Variants in TBXA2R observed in about 807,000 individuals in gnomAD.
TBXA2R encodes the protein thromboxane A2 receptor.
Under a neutral mutation model 15.6 loss-of-function variants are expected in TBXA2R, and 15 were observed. The ratio of observed to expected loss-of-function variants is 0.96; its 90% CI spans 0.64 to 1.48. The LOEUF (loss-of-function observed/expected upper bound fraction) is 1.48, where lower values mean the gene tolerates loss of function less well. Ranked by LOEUF, TBXA2R falls within the 40% of genes most tolerant of loss-of-function variation. The pLI is 0.00. For synonymous variants in TBXA2R, 280 were observed against 241.2 expected (o/e 1.16, Z -1.49); for missense variants, 506 against 491.4 (o/e 1.03, Z -0.28).
Position 3,600,579 on chromosome 19 carries a change from A to G in TBXA2R, c.56T>C (p.Leu19Pro). The G allele has an allele frequency of 6.2e-7, 1 of 1,612,406 alleles. No individual in the cohort carries two copies. The highest frequency in any genetic ancestry group is 8.5e-7 in the Non-Finnish European group (1 of 1,179,444). ...GPCFRPTNIT[L>P]EERRLIASPW... is the part of the protein sequence containing the mutation. Reference sequence around the variant, plus strand: ...CGAGGCGATCAGCCGTCTCTCCTCCAGGGTAATGTTTGTGGGCCGGAAACA... The same window carrying G: ...CGAGGCGATCAGCCGTCTCTCCTCCGGGGTAATGTTTGTGGGCCGGAAACA... Residue 19 changes from leucine (L) to proline (P), a missense_variant, in exon 2 of 3, where the codon CTG becomes CCG. Transcript: ENST00000375190.
At chr19:3,596,111 C>T (rs1486033564) in intron 2 of TBXA2R, among the ~76,000 whole-genome samples, 178 bp from the exon 3 acceptor site, 1 of 152,202 alleles carries the variant, frequency 6.6e-6, no homozygotes, top group Non-Finnish European at 1.5e-5. Flanking sequence ...TCATTGCAAC[C>T]TCTGCCTCCC....
chr19:3,605,642 C>G (rs929985398), intron 1 of TBXA2R, among the ~76,000 whole-genome samples: 1 of 151,808 alleles, frequency 6.6e-6, no homozygotes, highest in Admixed American at 6.6e-5. Context: ...CAGACAGAAA[C>G]ATGACAGACA....
chr19:3,603,423 C>A (rs962039656), intron 1 of TBXA2R, among the ~76,000 whole-genome samples: 2 of 152,186 alleles, frequency 1.3e-5, no homozygotes, highest in Non-Finnish European at 2.9e-5. Context: ...CGGCCTCTGG[C>A]GATCGTTGCC....
chr19:3,600,826 GTTTTTT>G (rs35168572), intron 1 of TBXA2R, 109 bp from the exon 2 acceptor site: 43 of 400,548 alleles, frequency 1.1e-4, no homozygotes, highest in Non-Finnish European at 1.5e-4. Flanking sequence ...ATCCTCTCCG[GTTTTTT>G]TTTTTTTTTT....
At chr19:3,600,833 T>TTTTG (rs2032723865) in intron 1 of TBXA2R, 116 bp from the exon 2 acceptor site, 1 of 612,272 alleles carries the variant, frequency 1.6e-6, no homozygotes, top group Non-Finnish European at 2.8e-6. Flanking sequence ...CCGGTTTTTT[T>TTTTG]TTTTTTTTTT....
chr19:3,594,858 T>C lies in TBXA2R; in HGVS notation c.*830A>G. Reference sequence around the variant, plus strand: ...CATTCAATCCTTTCTGGACAGAGCCTTCCCTGTTGGAGGTTCAAAAGGAAG... The same window carrying C: ...CATTCAATCCTTTCTGGACAGAGCCCTCCCTGTTGGAGGTTCAAAAGGAAG... On this transcript the variant is annotated 3_prime_UTR_variant, in exon 3 of 3. Transcript: ENST00000375190. The C allele has an allele frequency of 2.0e-6, 3 of 1,536,862 alleles. No homozygotes were observed. The highest frequency in any genetic ancestry group is 2.6e-6 in the Non-Finnish European group (3 of 1,146,782).
At chr19:3,597,760 G>A (rs558768524) in intron 2 of TBXA2R, among the ~76,000 whole-genome samples, 3 of 151,826 alleles carry the variant, frequency 2.0e-5, no homozygotes, top group African/African-American at 4.8e-5. Context: ...ATGAAACCCC[G>A]TCTCTACTAA....
intron 1 of TBXA2R, among the ~76,000 whole-genome samples, chr19:3,601,756 A>G (rs996027575): frequency 4.0e-5 from 6 of 151,852 alleles, no homozygotes; most frequent in Non-Finnish European, 7.4e-5. Flanking sequence ...GTGAAACCCC[A>G]TCTTCACTAA....
chr19:3,596,238 C>T (rs886138029), intron 2 of TBXA2R, among the ~76,000 whole-genome samples: 10 of 152,074 alleles, frequency 6.6e-5, no homozygotes, highest in Non-Finnish European at 1.5e-4. Flanking sequence ...CCATGTTGGC[C>T]AGGCTGGTCT....
Position 3,594,615 on chromosome 19 carries a change from T to C in TBXA2R, c.*1073A>G. ...TACAGGCTGCTGGAAGAATTCTAGGTGGTACCACCCATCAAGTGATTAGGA... is the reference window on the plus strand; with the variant it reads ...TACAGGCTGCTGGAAGAATTCTAGGCGGTACCACCCATCAAGTGATTAGGA... On this transcript the variant is annotated 3_prime_UTR_variant, in exon 3 of 3. Transcript: ENST00000375190. The C allele has an allele frequency of 4.6e-6, 2 of 434,312 alleles. No individual in the cohort carries two copies. Among genetic ancestry groups the C allele is most frequent in the Admixed American group, 7.2e-5 (2 of 27,712 alleles). The allele number at this position is 434,312 out of a possible 1,614,324, so 26.9% of individuals were successfully genotyped here. A position where few individuals can be genotyped will look rare whatever the true frequency, so the allele number is the denominator to read the frequency against.
At chr19:3,600,879 A>G (rs1378957425) in intron 1 of TBXA2R, among the ~76,000 whole-genome samples, 162 bp from the exon 2 acceptor site, 4 of 118,722 alleles carry the variant, frequency 3.4e-5, no homozygotes, top group Admixed American at 1.1e-4. Context: ...CCCAGGCTGG[A>G]GTGCAGTGAT....
At chr19:3,601,724 C>A (rs368395944) in intron 1 of TBXA2R, among the ~76,000 whole-genome samples, 2 of 151,276 alleles carry the variant, frequency 1.3e-5, no homozygotes, top group African/African-American at 4.9e-5. Context: ...GTCAGGAGTT[C>A]GAAACCAGCC....
chr19:3,605,189 C>T lies in TBXA2R; in HGVS notation c.-84+1341G>A, dbSNP rs550210696. Among the ~76,000 whole-genome samples the T allele has an allele frequency of 3.9e-5, 6 of 152,336 alleles. 1 individual carries two copies. In the South Asian group the frequency reaches 1.2e-3, roughly 32 times the overall value. ...TCCCCATCTCTCTAGTGGGGGCTCC[C>T]CAGGGAGCATGTACGGAGCTCCGTC... On this transcript the variant is annotated intron_variant, in intron 1 of 2. Transcript: ENST00000375190.
At position 3,595,070 on chromosome 19, in the gene TBXA2R, A is replaced by G; in HGVS notation, c.*618T>C. Reference sequence around the variant, plus strand: ...ACTCCAGGCTGGGCCACAGAGTGAGACTCCGTCTAAAAAAAAAAAAAAAAA... The same window carrying G: ...ACTCCAGGCTGGGCCACAGAGTGAGGCTCCGTCTAAAAAAAAAAAAAAAAA... On this transcript the variant is annotated 3_prime_UTR_variant, in exon 3 of 3. Coordinates refer to ENST00000375190, the MANE Select transcript of TBXA2R (RefSeq NM_001060.6). 1 of 713,676 alleles carries G rather than the reference A, an allele frequency of 1.4e-6. No individual in the cohort carries two copies. The highest frequency in any genetic ancestry group is 2.2e-6 in the Non-Finnish European group (1 of 456,860). The allele number at this position is 713,676 out of a possible 1,614,324, so 44.2% of individuals were successfully genotyped here.
rs1276350530 is a variant in TBXA2R at position 3,606,533 on chromosome 19, C to CAG, written c.-89_-88dup. Reference sequence around the variant, plus strand: ...TAAGCCAGCGGGGCGACCTCACCTTCAGAGACCTCATCTGCGGGGCTCCCA... The same window carrying CAG: ...TAAGCCAGCGGGGCGACCTCACCTTCAGAGAGACCTCATCTGCGGGGCTCCCA... On this transcript the variant is annotated 5_prime_UTR_variant, in exon 1 of 3. An upstream open reading frame in the 5' UTR gains an earlier in-frame stop. Coordinates refer to ENST00000375190, the MANE Select transcript of TBXA2R (RefSeq NM_001060.6). 1 of 152,384 alleles carries CAG rather than the reference C, an allele frequency of 6.6e-6. No homozygotes were observed. The highest frequency in any genetic ancestry group is 1.5e-5 in the Non-Finnish European group (1 of 68,172). 9.4% of individuals were successfully genotyped at this position (152,384 alleles called of 1,614,324 possible). A position where few individuals can be genotyped will look rare whatever the true frequency, so the allele number is the denominator to read the frequency against.
Position 3,599,911 on chromosome 19 carries a change from C to A in TBXA2R, c.724G>T (p.Glu242Ter), listed in dbSNP as rs1420063556. ...ATCCCCAGGAGCTGAGCCATCATCT[C>A]CACCTCGGAGTCCCGGGGACGCTGC... is the stretch of plus-strand genomic sequence containing the variant. ...AQQRPRDSEV[E>*]MMAQLLGIMV... The change falls in exon 2 of 3, where the codon GAG becomes TAG. Residue 242 changes from glutamate (E) to a stop codon, truncating the protein, a stop_gained. Transcript: ENST00000375190. LOFTEE classifies it high-confidence loss of function. 3 of 1,549,680 alleles carry A rather than the reference C, an allele frequency of 1.9e-6. No homozygotes were observed. In the African/African-American group the frequency reaches 4.1e-5, roughly 21 times the overall value.
Position 3,594,768 on chromosome 19 carries a change from C to A in TBXA2R, c.*920G>T. 1 of 1,407,100 alleles carries A rather than the reference C, an allele frequency of 7.1e-7. No individual in the cohort carries two copies. Among genetic ancestry groups the A allele is most frequent in the Non-Finnish European group, 9.6e-7 (1 of 1,042,988 alleles). The allele number at this position is 1,407,100 out of a possible 1,614,324, so 87.2% of individuals were successfully genotyped here. On this transcript the variant is annotated 3_prime_UTR_variant, in exon 3 of 3. Transcript: ENST00000375190. ...ACTCCAGAGATTGAAAACTTCTGGA[C>A]CCAAAGGAAAATAAAACCAAAGGCA... is the stretch of plus-strand genomic sequence containing the variant.
chr19:3,602,138 G>A (rs1041632101), intron 1 of TBXA2R, among the ~76,000 whole-genome samples: 4 of 151,232 alleles, frequency 2.6e-5, no homozygotes, highest in Non-Finnish European at 4.4e-5. Context: ...GGAGAATAGC[G>A]TGAACCTGGG....
Position 3,595,460 on chromosome 19 carries a change from G to A in TBXA2R, c.*228C>T. On this transcript the variant is annotated 3_prime_UTR_variant, in exon 3 of 3. Coordinates refer to ENST00000375190, the MANE Select transcript of TBXA2R (RefSeq NM_001060.6). ...TTGGGAGGGACGCAGAGAAGGGGTGGGAGCTCTGGATGGGAAAAAGGGGCC... is the reference window on the plus strand; with the variant it reads ...TTGGGAGGGACGCAGAGAAGGGGTGAGAGCTCTGGATGGGAAAAAGGGGCC... 7.0e-7 allele frequency: 1 copy of A among 1,419,462 alleles called. No individual in the cohort carries two copies. Among genetic ancestry groups the A allele is most frequent in the South Asian group, 1.6e-5 (1 of 61,626 alleles). The allele number at this position is 1,419,462 out of a possible 1,614,324, so 87.9% of individuals were successfully genotyped here.
Sources: gnomAD v4.1 joint callset for allele counts (sites outside exome capture counted in the v4.1 genomes callset) on GRCh38, gnomAD v4.1.1 for gene constraint, MANE v1.5 for transcripts, NCBI Gene and HGNC (gene_info 2026-07-23, HGNC 2026-07-21) for gene names.